Variants in PLEKHA8 observed in about 807,000 individuals in gnomAD.
PLEKHA8 encodes pleckstrin homology domain-containing family A member 8.
A neutral mutation model predicts 68.2 loss-of-function variants in PLEKHA8; 36 were observed. That is an observed-to-expected ratio of 0.53 (90% CI 0.40 to 0.70). PLEKHA8 has a LOEUF of 0.70. Among genes scored for constraint, PLEKHA8 ranks in the 30% least tolerant of loss-of-function variants. The probability of loss-of-function intolerance (pLI) is 0.00; values close to 1 mark genes in which losing one functional copy is unlikely to be tolerated. For synonymous variants in PLEKHA8, 211 were observed against 216.1 expected, an observed-to-expected ratio of 0.98 and a Z score of 0.20; for missense variants, 505 against 615.4, an observed-to-expected ratio of 0.82 and a Z score of 1.90.
At chr7:30,062,091 AT>A in intron 11 of PLEKHA8, 64 bp downstream of exon 11, 3 of 1,545,698 alleles carry the variant, frequency 1.9e-6, no homozygotes, top group Non-Finnish European at 1.7e-6. Flanking sequence ...AGCAAAAAAA[AT>A]TGTTACACAA....
chr7:30,069,287 A>C (rs1254537284), intron 12 of PLEKHA8, among the ~76,000 whole-genome samples: 1 of 152,216 alleles, frequency 6.6e-6, no homozygotes, highest in African/African-American at 2.4e-5. Context: ...GCACATTTGC[A>C]GAACTATGAT....
chr7:30,099,131 A>T (rs1562548772), intron 13 of PLEKHA8, among the ~76,000 whole-genome samples: 1 of 152,228 alleles, frequency 6.6e-6, no homozygotes, highest in Admixed American at 6.5e-5. Flanking sequence ...TCAGAAAACA[A>T]GATATTTAAT....
intron 13 of PLEKHA8, among the ~76,000 whole-genome samples, chr7:30,120,084 T>C (rs1298632752): frequency 6.7e-6 from 1 of 150,078 alleles, no homozygotes; most frequent in Non-Finnish European, 1.5e-5. Context: ...ACTTGGTCAT[T>C]AGGGAAATGC....
intron 12 of PLEKHA8, among the ~76,000 whole-genome samples, chr7:30,066,032 C>T (rs1562526628): frequency 3.3e-5 from 5 of 152,224 alleles, no homozygotes; most frequent in Admixed American, 2.6e-4. Flanking sequence ...GAGACCTAGT[C>T]ATCTAGACTT....
chr7:30,128,619 T>C (rs1490356740), intron 13 of PLEKHA8, among the ~76,000 whole-genome samples: 1 of 152,278 alleles, frequency 6.6e-6, no homozygotes, highest in African/African-American at 2.4e-5. Flanking sequence ...TTCATTCTTT[T>C]TCTAATACTT....
At chr7:30,086,946 G>A (rs890672118), downstream of PLEKHA8, among the ~76,000 whole-genome samples, 2 of 152,128 alleles carry the variant, frequency 1.3e-5, no homozygotes, top group Non-Finnish European at 2.9e-5. Context: ...GTGTGGTTCG[G>A]GTTGATGGAG....
intron 12 of PLEKHA8, among the ~76,000 whole-genome samples, chr7:30,070,872 G>C (rs771501330): frequency 1.3e-5 from 2 of 152,172 alleles, no homozygotes; most frequent in Non-Finnish European, 2.9e-5. Flanking sequence ...CAAGCATTCT[G>C]TCTAGCCAGG....
chr7:30,071,118 T>A (rs554346256), intron 12 of PLEKHA8, among the ~76,000 whole-genome samples: 2 of 152,308 alleles, frequency 1.3e-5, no homozygotes, highest in South Asian at 4.1e-4. Context: ...TTTCTTTAGT[T>A]CTCTCCTTTT....
Position 30,053,884 on chromosome 7 carries a change from A to G in PLEKHA8, c.797-825A>G, listed in dbSNP as rs143066008. ...GACTTTGGTCACAAAATTTTTGTCTACCAATCAATACATAACCTTGTTTTA... is the reference window on the plus strand; with the variant it reads ...GACTTTGGTCACAAAATTTTTGTCTGCCAATCAATACATAACCTTGTTTTA... On this transcript the variant is annotated intron_variant, in intron 7 of 13. Coordinates refer to ENST00000449726, the MANE Select transcript of PLEKHA8 (RefSeq NM_001197026.2). Among the ~76,000 whole-genome samples the G allele has an allele frequency of 2.7e-4, 41 of 152,344 alleles. No individual in the cohort carries two copies. The East Asian group carries it at 7.7e-3, about 29-fold the overall frequency.
At chr7:30,032,697 G>A (rs1022183704) in intron 1 of PLEKHA8, among the ~76,000 whole-genome samples, 3 of 152,210 alleles carry the variant, frequency 2.0e-5, no homozygotes, top group Non-Finnish European at 4.4e-5. Context: ...TATTTCGGGG[G>A]TGGGAAGTGG....
intron 13 of PLEKHA8, among the ~76,000 whole-genome samples, chr7:30,108,083 A>AAAAAAAAAACAAAAAAAAAAAAAC (rs1554281878): frequency 6.9e-6 from 1 of 144,460 alleles, no homozygotes; most frequent in Non-Finnish European, 1.5e-5. Flanking sequence ...AAAAAAAAAA[A>AAAAAAAAAACAAAAAAAAAAAAAC]AAAAAAAAAC....
At chr7:30,116,017 TACATACGTATAC>T (rs1796512456) in intron 13 of PLEKHA8, 1 of 147,360 alleles carries the variant, frequency 6.8e-6, no homozygotes, top group African/African-American at 2.5e-5. Flanking sequence ...TACATACGCA[TACATACGTATAC>T]ATACATGTGC....
At chr7:30,123,821 T>C (rs1158856803) in intron 13 of PLEKHA8, among the ~76,000 whole-genome samples, 1 of 152,218 alleles carries the variant, frequency 6.6e-6, no homozygotes, top group East Asian at 1.9e-4. Context: ...CCTGAAGTTA[T>C]CCAATTCCTG....
At chr7:30,056,854 T>C (rs1323644519) in intron 9 of PLEKHA8, among the ~76,000 whole-genome samples, 2 of 146,136 alleles carry the variant, frequency 1.4e-5, no homozygotes, top group Non-Finnish European at 3.0e-5. Context: ...AATAGATAAA[T>C]ATATCTGAAA....
At chr7:30,118,671 G>A (rs550543217) in intron 13 of PLEKHA8, among the ~76,000 whole-genome samples, 3 of 151,576 alleles carry the variant, frequency 2.0e-5, no homozygotes, top group South Asian at 2.1e-4. Context: ...TCCGCCTGCC[G>A]GGTTCATGCC....
At chr7:30,109,716 G>A (rs1796206207) in intron 13 of PLEKHA8, among the ~76,000 whole-genome samples, 1 of 147,388 alleles carries the variant, frequency 6.8e-6, no homozygotes, top group African/African-American at 2.5e-5. Flanking sequence ...TTGTCACCCA[G>A]GCTGGAGTGC....
intron 13 of PLEKHA8, among the ~76,000 whole-genome samples, chr7:30,116,609 C>T (rs1262237543): frequency 6.6e-6 from 1 of 152,196 alleles, no homozygotes; most frequent in African/African-American, 2.4e-5. Flanking sequence ...TCCTAATTAA[C>T]ATTGTGCCGC....
At chr7:30,091,039 C>T (rs887331719), downstream of PLEKHA8, among the ~76,000 whole-genome samples, 4 of 152,086 alleles carry the variant, frequency 2.6e-5, no homozygotes, top group African/African-American at 9.7e-5. Flanking sequence ...TGGTGCATGC[C>T]TGTAGTTCCA....
Position 30,083,874 on chromosome 7 carries a change from A to G in PLEKHA8, c.*5087A>G. On this transcript the variant is annotated 3_prime_UTR_variant, in exon 14 of 14. Coordinates refer to ENST00000449726, the MANE Select transcript of PLEKHA8 (RefSeq NM_001197026.2). ...ATGGTTGATACCCCTTACAAAGTCG[A>G]TCTTACCCACACAGACTCCTGTGTA... 2.0e-6 allele frequency: 2 copies of G among 985,400 alleles called. No individual in the cohort carries two copies. Among genetic ancestry groups the G allele is most frequent in the Non-Finnish European group, 2.4e-6 (2 of 829,920 alleles). 61.0% of individuals were successfully genotyped at this position (985,400 alleles called of 1,614,324 possible).
Sources: gnomAD v4.1 joint callset for allele counts (sites outside exome capture counted in the v4.1 genomes callset) on GRCh38, gnomAD v4.1.1 for gene constraint, MANE v1.5 for transcripts, NCBI Gene and HGNC (gene_info 2026-07-23, HGNC 2026-07-21) for gene names.